The following FIGNL2 variants were observed in gnomAD, a reference collection of about 807,000 sequenced individuals.
FIGNL2 encodes fidgetin like 2.
For synonymous variants in FIGNL2, 565 were observed against 484.0 expected (o/e 1.17, Z -2.20); for missense variants, 1,060 against 950.2 (o/e 1.12, Z -1.52).
chr12:51,827,390 GTTT>G (rs35274727), intron 1 of FIGNL2, among the ~76,000 whole-genome samples: 2 of 142,374 alleles, frequency 1.4e-5, no homozygotes, highest in Non-Finnish European at 1.5e-5. Flanking sequence ...ATTTCTATTT[GTTT>G]TTTTTTTTTT....
At chr12:51,837,151 A>G (rs1362629388) in intron 1 of FIGNL2, among the ~76,000 whole-genome samples, 1 of 152,068 alleles carries the variant, frequency 6.6e-6, no homozygotes, top group African/African-American at 2.4e-5. Context: ...TCAAGACTAG[A>G]TTAAGCATTC....
intron 1 of FIGNL2, among the ~76,000 whole-genome samples, chr12:51,822,712 C>T (rs1269584109): frequency 1.3e-5 from 2 of 152,232 alleles, no homozygotes; most frequent in Non-Finnish European, 2.9e-5. Context: ...TTATTTTTGT[C>T]CTGGCCACTC....
At chr12:51,845,698 C>A in intron 1 of FIGNL2, 2 of 984,444 alleles carry the variant, frequency 2.0e-6, no homozygotes, top group East Asian at 1.1e-4. Flanking sequence ...CTGTCTCTTG[C>A]CCTCCCTGGC....
chr12:51,821,030 C>A lies in FIGNL2; in HGVS notation c.1384G>T (p.Ala462Ser). 1 of 1,181,082 alleles carries A rather than the reference C, an allele frequency of 8.5e-7. No individual in the cohort carries two copies. The highest frequency in any genetic ancestry group is 4.2e-5 in the South Asian group (1 of 24,074). 73.2% of individuals were successfully genotyped at this position (1,181,082 alleles called of 1,614,324 possible). A position where few individuals can be genotyped will look rare whatever the true frequency, so the allele number is the denominator to read the frequency against. Residue 462 changes from alanine (A) to serine (S), a missense_variant, in exon 2 of 2, where the codon GCT becomes TCT. Ala to Ser is a moderately conservative substitution (Grantham distance 99). Coordinates refer to ENST00000618634, the MANE Select transcript of FIGNL2 (RefSeq NM_001384995.1). Reference protein sequence around the residue: ...TLLRLRGATLAAPGAAEGARL... With the variant: ...TLLRLRGATLSAPGAAEGARL... ...GCGCCCTCGGCGGCGCCGGGCGCAG[C>A]CAGGGTCGCGCCGCGCAGGCGCAAC... is the stretch of plus-strand genomic sequence containing the variant.
chr12:51,844,959 C>G (rs1939720074), intron 1 of FIGNL2: 1 of 775,720 alleles, frequency 1.3e-6, no homozygotes, highest in Non-Finnish European at 1.6e-6. Flanking sequence ...AGGCATGACT[C>G]TGTCCTCAGC....
chr12:51,821,418 G>A lies in FIGNL2; in HGVS notation c.996C>T (p.Val332=). ...GCGGGCCGTAGACGGGGGAGCCCAGGACCTTGAGGGGGACGCCGCCACCGT... is the reference window on the plus strand; with the variant it reads ...GCGGGCCGTAGACGGGGGAGCCCAGAACCTTGAGGGGGACGCCGCCACCGT... The part of the protein sequence containing the change: ...GKYGGGVPLK[V]LGSPVYGPQL... Residue 332 remains valine (V), a synonymous_variant, in exon 2 of 2, where the codon GTC becomes GTT. Coordinates refer to ENST00000618634, the MANE Select transcript of FIGNL2 (RefSeq NM_001384995.1). The A allele has an allele frequency of 6.5e-7, 1 of 1,537,296 alleles. No individual in the cohort carries two copies. The highest frequency in any genetic ancestry group is 8.7e-7 in the Non-Finnish European group (1 of 1,144,456).
At position 51,822,049 on chromosome 12, in the gene FIGNL2, C is replaced by A; in HGVS notation, c.365G>T (p.Gly122Val). Reference sequence around the variant, plus strand: ...CCCCAGGGCCCCGGAACCGCCGCCACCGCCCGATTTGGTTCCTGGGAGGCC... The same window carrying A: ...CCCCAGGGCCCCGGAACCGCCGCCAACGCCCGATTTGGTTCCTGGGAGGCC... The part of the protein sequence containing the change: ...HEGLPGTKSG[G>V]GGGSGALGGS... Residue 122 changes from glycine to valine, a missense_variant, in exon 2 of 2, where the codon GGT becomes GTT. Gly to Val is a moderately radical substitution (Grantham distance 109). Transcript: ENST00000618634. 1.2e-6 allele frequency: 2 copies of A among 1,609,232 alleles called. No individual in the cohort carries two copies. The highest frequency in any genetic ancestry group is 1.3e-5 in the African/African-American group (1 of 74,968).
chr12:51,834,651 A>G (rs1423569359), intron 1 of FIGNL2, among the ~76,000 whole-genome samples: 1 of 152,218 alleles, frequency 6.6e-6, no homozygotes, highest in Non-Finnish European at 1.5e-5. Flanking sequence ...AAGCTGGCCA[A>G]GCGGCCCCCA....
chr12:51,845,622 A>G, intron 1 of FIGNL2: 1 of 985,418 alleles, frequency 1.0e-6, no homozygotes, highest in Non-Finnish European at 1.2e-6. Flanking sequence ...AAAGGAGTCG[A>G]TAACCGCCAA....
chr12:51,847,869 C>T, intron 1 of FIGNL2: 2 of 974,574 alleles, frequency 2.1e-6, no homozygotes, highest in Non-Finnish European at 1.2e-6. Context: ...TCCGGGGGTC[C>T]CCCTTGTTGC....
chr12:51,841,933 C>G (rs61653121), intron 1 of FIGNL2: 19,594 of 152,248 alleles, frequency 0.13, 1,937 homozygotes, highest in African/African-American at 0.27. Context: ...GGACTTGGCC[C>G]CATCTGAGAA....
chr12:51,822,450 G>C, intron 1 of FIGNL2, 26 bp from the exon 2 acceptor site: 1 of 1,610,624 alleles, frequency 6.2e-7, no homozygotes, highest in African/African-American at 1.3e-5. Context: ...AGGAGGTCTG[G>C]TGAGGTCTAG....
At chr12:51,823,708 C>T (rs922491154) in intron 1 of FIGNL2, 1 of 152,212 alleles carries the variant, frequency 6.6e-6, no homozygotes, top group Non-Finnish European at 1.5e-5. Flanking sequence ...TTTCTCAAAG[C>T]TAAACTTTTG....
In FIGNL2 at chr12:51,844,096, A is replaced by G. The variant is rs376022267; in HGVS notation, c.-12+4444T>C. Among the ~76,000 whole-genome samples the G allele has an allele frequency of 9.8e-5, 15 of 152,288 alleles. No individual in the cohort carries two copies. In the South Asian group the frequency reaches 3.1e-3, roughly 32 times the overall value. On this transcript the variant is annotated intron_variant, in intron 1 of 1. Transcript: ENST00000618634. ...TCAAAGGGGCAGACTATTTGAAACC[A>G]GGGCCACATCACCATCATATGAGGT... is the stretch of plus-strand genomic sequence containing the variant.
chr12:51,821,435 C>T lies in FIGNL2; in HGVS notation c.979G>A (p.Gly327Ser). Residue 327 changes from glycine to serine, a missense_variant, in exon 2 of 2, where the codon GGC becomes AGC. By Grantham distance (56) the Gly-to-Ser change is moderately conservative. Coordinates refer to ENST00000618634, the MANE Select transcript of FIGNL2 (RefSeq NM_001384995.1). ...GAGCCCAGGACCTTGAGGGGGACGC[C>T]GCCACCGTACTTGCCCGACGCCTCC... is the stretch of plus-strand genomic sequence containing the variant. ...AEEASGKYGG[G>S]VPLKVLGSPV... The T allele has an allele frequency of 1.3e-6, 2 of 1,538,240 alleles. No homozygotes were observed. The highest frequency in any genetic ancestry group is 2.5e-5 in the East Asian group (1 of 39,656).
chr12:51,847,505 G>C (rs375082470), intron 1 of FIGNL2: 2 of 985,332 alleles, frequency 2.0e-6, no homozygotes, highest in Non-Finnish European at 2.4e-6. Context: ...AGACAGGGCC[G>C]GCAGCCTGAC....
chr12:51,834,350 G>A (rs940445128), intron 1 of FIGNL2, among the ~76,000 whole-genome samples: 3 of 152,060 alleles, frequency 2.0e-5, no homozygotes, highest in African/African-American at 4.8e-5. Flanking sequence ...ACCTATCTCA[G>A]CCCCCCAGAG....
At chr12:51,846,233 G>A (rs541107088) in intron 1 of FIGNL2, among the ~76,000 whole-genome samples, 2 of 152,354 alleles carry the variant, frequency 1.3e-5, no homozygotes, top group South Asian at 4.1e-4. Flanking sequence ...CCACAAAGGC[G>A]GAAGGGAGCA....
At chr12:51,845,828 A>T (rs1431317965) in intron 1 of FIGNL2, among the ~76,000 whole-genome samples, 3 of 150,992 alleles carry the variant, frequency 2.0e-5, no homozygotes, top group African/African-American at 7.3e-5. Flanking sequence ...TGTTAATGTG[A>T]TCCATATGGA....
Sources: allele counts gnomAD v4.1 joint callset (sites outside exome capture counted in the v4.1 genomes callset), GRCh38; gene constraint gnomAD v4.1.1; transcripts MANE v1.5; gene names NCBI Gene and HGNC (gene_info 2026-07-23, HGNC 2026-07-21).